The following ATP2B1 variants were observed in gnomAD, a reference collection of about 807,000 sequenced individuals.
ATP2B1 encodes plasma membrane calcium-transporting ATPase 1.
In ATP2B1, 14 loss-of-function variants were observed where a neutral mutation model predicts 124.2. The observed-to-expected ratio is 0.11, with a 90% CI of 0.07 to 0.18. The LOEUF is 0.18. Ranked by LOEUF, ATP2B1 falls within the 10% of genes least tolerant of loss-of-function variation. The pLI is 1.00. For synonymous variants in ATP2B1, 449 were observed against 492.4 expected, an observed-to-expected ratio of 0.91 and a Z score of 1.17; for missense variants, 763 against 1,466.1, an observed-to-expected ratio of 0.52 and a Z score of 7.83.
At chr12:89,610,394 T>G (rs1225451074) in intron 14 of ATP2B1, 27 bp downstream of exon 14, 1 of 1,574,854 alleles carries the variant, frequency 6.3e-7, no homozygotes, top group South Asian at 1.1e-5. Flanking sequence ...ATTAAGAAAT[T>G]GTGAAATAAC....
chr12:89,699,015 G>A (rs1891510302), intron 1 of ATP2B1, among the ~76,000 whole-genome samples: 1 of 152,128 alleles, frequency 6.6e-6, no homozygotes, highest in Non-Finnish European at 1.5e-5. Flanking sequence ...ACAGACAGAG[G>A]GAAAGATATC....
chr12:89,650,551 C>T (rs892069282), intron 2 of ATP2B1, among the ~76,000 whole-genome samples: 1 of 152,150 alleles, frequency 6.6e-6, no homozygotes, highest in Non-Finnish European at 1.5e-5. Context: ...TCAGGAGAAA[C>T]TCCTGGACCT....
intron 3 of ATP2B1, 80 bp downstream of exon 3, chr12:89,642,078 C>A: frequency 7.3e-7 from 1 of 1,361,094 alleles, no homozygotes; most frequent in South Asian, 1.3e-5. Flanking sequence ...AAATGCTGGC[C>A]AGCTATTATT....
chr12:89,592,771 T>C (rs1873832653), intron 20 of ATP2B1, among the ~76,000 whole-genome samples: 1 of 152,028 alleles, frequency 6.6e-6, no homozygotes, highest in Non-Finnish European at 1.5e-5. Context: ...ACTACAAACT[T>C]AAAACAATGT....
At chr12:89,701,936 G>A (rs1593022326) in intron 1 of ATP2B1, among the ~76,000 whole-genome samples, 1 of 152,254 alleles carries the variant, frequency 6.6e-6, no homozygotes, top group East Asian at 1.9e-4. Flanking sequence ...CCGTCACACA[G>A]TGGACAGTCA....
chr12:89,629,475 A>G (rs1044163635), intron 6 of ATP2B1, among the ~76,000 whole-genome samples: 1 of 152,212 alleles, frequency 6.6e-6, no homozygotes, highest in Non-Finnish European at 1.5e-5. Context: ...AGGAGGACAT[A>G]GAAAAAAAAC....
At chr12:89,637,116 G>T (rs1727824327) in intron 3 of ATP2B1, among the ~76,000 whole-genome samples, 2 of 152,114 alleles carry the variant, frequency 1.3e-5, no homozygotes, top group Admixed American at 6.5e-5. Flanking sequence ...ACTGGGTTTT[G>T]ATGTCATTTA....
chr12:89,638,526 A>C (rs927130822), intron 3 of ATP2B1, among the ~76,000 whole-genome samples: 4 of 152,204 alleles, frequency 2.6e-5, no homozygotes, highest in Admixed American at 1.3e-4. Flanking sequence ...TGACATAATA[A>C]ATACAGAAGC....
At chr12:89,657,221 C>T (rs1409860024) in intron 1 of ATP2B1, among the ~76,000 whole-genome samples, 2 of 152,112 alleles carry the variant, frequency 1.3e-5, no homozygotes, top group Non-Finnish European at 2.9e-5. Context: ...TTAATTCTAC[C>T]TTTGAAAAGT....
chr12:89,611,921 AT>A (rs1280481560), intron 12 of ATP2B1: 2 of 152,222 alleles, frequency 1.3e-5, no homozygotes, highest in Non-Finnish European at 1.5e-5. Flanking sequence ...TAAAGTGGGT[AT>A]CGATTCAGGT....
intron 18 of ATP2B1, among the ~76,000 whole-genome samples, chr12:89,602,495 A>G (rs1051582800): frequency 6.6e-6 from 1 of 152,122 alleles, no homozygotes; most frequent in African/African-American, 2.4e-5. Context: ...ACTATTTTTT[A>G]AGTTAATTTG....
At position 89,689,649 on chromosome 12, in the gene ATP2B1, G is replaced by A. The variant is rs115621801; in HGVS notation, c.-222+18947C>T. ...TCCACATCTGGCCCATATTTAATAC[G>A]GCTTCTTACTCCTTATCTATTTGTT... On this transcript the variant is annotated intron_variant, in intron 1 of 20. Coordinates refer to ENST00000428670, the MANE Select transcript of ATP2B1 (RefSeq NM_001366521.1). 3.6e-3 allele frequency among the ~76,000 whole-genome samples: 551 copies of A among 152,034 alleles called. 5 individuals carry two copies. The highest frequency in any genetic ancestry group is 0.013 in the African/African-American group (531 of 41,484).
rs745346247 is a variant in ATP2B1, at chr12:89,591,145, C to T, written c.3502G>A (p.Glu1168Lys). The change falls in exon 21 of 21, where the codon GAA becomes AAA. Residue 1168 changes from glutamate to lysine, a missense_variant. Glu to Lys is a moderately conservative substitution (Grantham distance 56). Around this residue, in one of 7 missense-constraint regions of ATP2B1, gnomAD observed 97 missense variants for 94.7 expected, o/e 1.02. Coordinates refer to ENST00000428670, the MANE Select transcript of ATP2B1 (RefSeq NM_001366521.1). ...HIPLIDDTDAEDDAPTKRNSS... is the reference protein window; with the variant it reads ...HIPLIDDTDAKDDAPTKRNSS... Reference sequence around the variant, plus strand: ...TTACGTTTTGTAGGAGCATCATCTTCGGCATCAGTGTCATCAATAAGGGGG... The same window carrying T: ...TTACGTTTTGTAGGAGCATCATCTTTGGCATCAGTGTCATCAATAAGGGGG... 7.4e-6 allele frequency: 12 copies of T among 1,613,258 alleles called. No homozygotes were observed. Among genetic ancestry groups the T allele is most frequent in the African/African-American group, 1.3e-5 (1 of 74,948 alleles).
rs766483886 is a variant in ATP2B1, at chr12:89,591,205, G to A, written c.3442C>T (p.Pro1148Ser). Reference protein sequence around the residue: ...RSSIHNFMTHPEFRIEDSEPH... With the variant: ...RSSIHNFMTHSEFRIEDSEPH... ...TCTGAATCTTCTATCCTAAACTCAG[G>A]ATGTGTCATAAAGTTGTGAATCGAA... Residue 1148 changes from proline (P) to serine (S), a missense_variant, in exon 21 of 21, where the codon CCT (proline) becomes TCT (serine). Pro to Ser is a moderately conservative substitution (Grantham distance 74). This residue lies in a region of ATP2B1 where 97 missense variants were observed against 94.7 expected (regional missense o/e 1.02). Transcript: ENST00000428670. The A allele has an allele frequency of 6.2e-7, 1 of 1,613,184 alleles. No individual in the cohort carries two copies. Among genetic ancestry groups the A allele is most frequent in the East Asian group, 2.2e-5 (1 of 44,862 alleles).
chr12:89,626,353 C>A, intron 8 of ATP2B1, 101 bp downstream of exon 8: 1 of 1,300,016 alleles, frequency 7.7e-7, no homozygotes, highest in Non-Finnish European at 1.0e-6. Flanking sequence ...CCCTTCTATT[C>A]ACAAAGCAAC....
chr12:89,654,685 T>C (rs988055635), intron 2 of ATP2B1, among the ~76,000 whole-genome samples: 1 of 152,142 alleles, frequency 6.6e-6, no homozygotes, highest in Admixed American at 6.5e-5. Context: ...AGTTATTTAA[T>C]TTTGGAAAAG....
At chr12:89,662,341 A>AC (rs2136431496) in intron 1 of ATP2B1, among the ~76,000 whole-genome samples, 1 of 152,174 alleles carries the variant, frequency 6.6e-6, no homozygotes, top group Non-Finnish European at 1.5e-5. Flanking sequence ...GTAATATCTC[A>AC]CTCTCATAGT....
At chr12:89,642,047 T>G in intron 3 of ATP2B1, 111 bp downstream of exon 3, 3 of 1,081,712 alleles carry the variant, frequency 2.8e-6, no homozygotes, top group Non-Finnish European at 4.1e-6. Flanking sequence ...GAACAGTGCC[T>G]AGCACATAGC....
chr12:89,606,045 A>AG (rs1324990403), intron 15 of ATP2B1, among the ~76,000 whole-genome samples: 1 of 152,138 alleles, frequency 6.6e-6, no homozygotes. Flanking sequence ...TGTGTAAGGA[A>AG]GGAAAAGTAA....
Sources: allele counts gnomAD v4.1 joint callset (sites outside exome capture counted in the v4.1 genomes callset), GRCh38; gene constraint gnomAD v4.1.1; regional missense constraint gnomAD v4.1.1; transcripts MANE v1.5; gene names NCBI Gene and HGNC (gene_info 2026-07-23, HGNC 2026-07-21).